MYCBP2: variants seen among roughly 807,000 people sequenced by gnomAD.
The protein encoded by MYCBP2 is E3 ubiquitin-protein ligase MYCBP2.
A neutral mutation model predicts 525.3 loss-of-function variants in MYCBP2; 120 were observed. That is an observed-to-expected ratio of 0.23 (90% confidence interval 0.20 to 0.27). MYCBP2 has a LOEUF of 0.27. Ranked by LOEUF, MYCBP2 falls within the 10% of genes least tolerant of loss-of-function variation. The pLI is 1.00. For missense variants in MYCBP2, 4,149 were observed against 5,657.1 expected (o/e 0.73, Z 8.55); for synonymous variants, 1,894 against 1,955.8 (o/e 0.97, Z 0.83).
At chr13:77,238,310 A>G (rs73545889) in intron 17 of MYCBP2, among the ~76,000 whole-genome samples, 5,090 of 151,922 alleles carry the variant, frequency 0.034, 288 homozygotes, top group African/African-American at 0.11. Flanking sequence ...CTCCCATGTA[A>G]GCCAGGACAT....
In MYCBP2 at chr13:77,098,520, T is replaced by A; in HGVS notation, c.8634A>T (p.Pro2878=). Reference sequence around the variant, plus strand: ...GCATTTTCTTCTTGCGGAGGGTATCTGGATCAAGTGTGTAAGAGTCTGATT... The same window carrying A: ...GCATTTTCTTCTTGCGGAGGGTATCAGGATCAAGTGTGTAAGAGTCTGATT... The part of the protein sequence containing the change: ...RSKSDSYTLD[P]DTLRKKKMPL... Residue 2878 remains proline (P), a synonymous_variant, in exon 56 of 83, where the codon CCA becomes CCT. Coordinates refer to ENST00000544440, the MANE Select transcript of MYCBP2 (RefSeq NM_015057.5). 6.2e-7 allele frequency: 1 copy of A among 1,613,786 alleles called. No individual in the cohort carries two copies. Among genetic ancestry groups the A allele is most frequent in the Non-Finnish European group, 8.5e-7 (1 of 1,179,810 alleles).
intron 36 of MYCBP2, among the ~76,000 whole-genome samples, 160 bp downstream of exon 36, chr13:77,176,337 A>G (rs2059701173): frequency 6.6e-6 from 1 of 152,230 alleles, no homozygotes; most frequent in African/African-American, 2.4e-5. Context: ...GTGGTACAAC[A>G]TTAGGTACGT....
In MYCBP2 at chr13:77,239,076, C is replaced by T. The variant is rs990750205; in HGVS notation, c.2629+3983G>A. Among the ~76,000 whole-genome samples the T allele has an allele frequency of 3.3e-5, 5 of 152,108 alleles. No homozygotes were observed. In the East Asian group the frequency reaches 5.8e-4, roughly 18 times the overall value. ...CGGAGGTTGCAGTGAGCCGAGATCG[C>T]ACCACTGCACTCCAGCCTGGGTAAC... On this transcript the variant is annotated intron_variant, in intron 17 of 82. Transcript: ENST00000544440.
chr13:77,110,784 T>C (rs1426754184), intron 55 of MYCBP2, among the ~76,000 whole-genome samples: 1 of 152,164 alleles, frequency 6.6e-6, no homozygotes, highest in African/African-American at 2.4e-5. Context: ...CGTTGAAATA[T>C]TGGGGGCGGG....
chr13:77,286,817 T>TAC (rs1479883559), intron 3 of MYCBP2, among the ~76,000 whole-genome samples: 1 of 114,124 alleles, frequency 8.8e-6, no homozygotes, highest in Non-Finnish European at 1.7e-5. Context: ...TATATATATA[T>TAC]AGACCTTCCA....
At position 77,065,973 on chromosome 13, in the gene MYCBP2, CAGA is replaced by C; in HGVS notation, c.12552+16_12552+18del. ...TTCCTGCCGCACTTCACTGCCAAAA[CAGA>C]AGAATGGGAACTTACTGCTGCCATA... On this transcript the variant is annotated intron_variant, in intron 72 of 82. Coordinates refer to ENST00000544440, the MANE Select transcript of MYCBP2 (RefSeq NM_015057.5). 2 of 1,592,206 alleles carry C rather than the reference CAGA, an allele frequency of 1.3e-6. No individual in the cohort carries two copies. Among genetic ancestry groups the C allele is most frequent in the Non-Finnish European group, 1.7e-6 (2 of 1,165,964 alleles).
intron 52 of MYCBP2, 129 bp from the exon 53 acceptor site, chr13:77,126,671 T>C (rs2051724915): frequency 1.6e-6 from 1 of 626,660 alleles, no homozygotes; most frequent in Admixed American, 3.3e-5. Context: ...TAACTAAAGA[T>C]AACTGAAGAA....
chr13:77,151,032 T>C, intron 46 of MYCBP2, 83 bp from the exon 47 acceptor site: 2 of 1,099,084 alleles, frequency 1.8e-6, no homozygotes, highest in Non-Finnish European at 2.7e-6. Context: ...TATTATAAAC[T>C]CATAATTATG....
chr13:77,208,475 T>G (rs1284588355), intron 23 of MYCBP2, among the ~76,000 whole-genome samples: 1 of 152,198 alleles, frequency 6.6e-6, no homozygotes. Context: ...TCTAAAATGT[T>G]CACTGATGGG....
rs527908248 is a variant in MYCBP2, at chr13:77,210,434, T to C, written c.3416+733A>G. 2.7e-3 allele frequency among the ~76,000 whole-genome samples: 415 copies of C among 152,182 alleles called. 1 individual carries two copies. The highest frequency in any genetic ancestry group is 2.4e-3 in the Non-Finnish European group (166 of 67,986). The stretch of plus-strand genomic sequence containing the variant: ...GTCTCGATCTCCTGACCTCGTGATC[T>C]GCCCGCCTTGGCCTCCCAAAGTGCT... On this transcript the variant is annotated intron_variant, in intron 23 of 82. Transcript: ENST00000544440.
intron 18 of MYCBP2, among the ~76,000 whole-genome samples, chr13:77,226,313 T>C (rs933399988): frequency 1.6e-4 from 25 of 152,186 alleles, no homozygotes; most frequent in African/African-American, 5.8e-4. Flanking sequence ...CAATCCAACT[T>C]TGAATTTTCC....
At chr13:77,091,622 A>G (rs570276319) in intron 59 of MYCBP2, among the ~76,000 whole-genome samples, 4 of 152,292 alleles carry the variant, frequency 2.6e-5, no homozygotes, top group African/African-American at 9.6e-5. Context: ...CAACTAGCCC[A>G]GTTGTGACAA....
At chr13:77,200,746 T>C (rs552540158) in intron 26 of MYCBP2, among the ~76,000 whole-genome samples, 33 of 152,256 alleles carry the variant, frequency 2.2e-4, no homozygotes, top group Admixed American at 1.0e-3. Flanking sequence ...TTCAACATTC[T>C]TTAAGAAAAG....
chr13:77,292,277 C>G (rs958096325), intron 2 of MYCBP2, among the ~76,000 whole-genome samples: 2 of 152,148 alleles, frequency 1.3e-5, no homozygotes, highest in Non-Finnish European at 2.9e-5. Flanking sequence ...GCTGCTTGCT[C>G]TGTATCCTTT....
rs952471197 is a variant in MYCBP2, at chr13:77,262,050, T to C, written c.1647+3A>G. 2 of 1,608,596 alleles carry C rather than the reference T, an allele frequency of 1.2e-6. No homozygotes were observed. Among genetic ancestry groups the C allele is most frequent in the African/African-American group, 2.7e-5 (2 of 74,920 alleles). On this transcript the variant is annotated splice_donor_region_variant and intron_variant, in intron 11 of 82. Transcript: ENST00000544440. ...CATTTTTAATCCAAAGAGAATAATT[T>C]ACCTTTCCATTTGCTGTTTTCATTA...
chr13:77,161,758 T>G (rs2057953341), intron 44 of MYCBP2, 148 bp downstream of exon 44: 1 of 572,196 alleles, frequency 1.7e-6, no homozygotes. Flanking sequence ...AAGGGAGCAA[T>G]GATAAGTTAT....
chr13:77,200,966 A>G (rs2062459210), intron 26 of MYCBP2, among the ~76,000 whole-genome samples: 1 of 152,170 alleles, frequency 6.6e-6, no homozygotes, highest in Non-Finnish European at 1.5e-5. Flanking sequence ...CATCGAGACT[A>G]GGAAGAAACT....
chr13:77,158,332 G>C (rs1204899126), intron 44 of MYCBP2, among the ~76,000 whole-genome samples: 1 of 152,098 alleles, frequency 6.6e-6, no homozygotes, highest in Non-Finnish European at 1.5e-5. Flanking sequence ...TAAATGCCTT[G>C]TCAGAGATCT....
At chr13:77,216,852 A>G (rs2064888307) in intron 21 of MYCBP2, among the ~76,000 whole-genome samples, 1 of 152,246 alleles carries the variant, frequency 6.6e-6, no homozygotes, top group Non-Finnish European at 1.5e-5. Context: ...TTCACAAAAT[A>G]CAAACTAAAG....
Sources: gnomAD v4.1 joint callset for allele counts (sites outside exome capture counted in the v4.1 genomes callset) on GRCh38, gnomAD v4.1.1 for gene constraint, MANE v1.5 for transcripts, NCBI Gene and HGNC (gene_info 2026-07-23, HGNC 2026-07-21) for gene names.